The following USP3 variants were observed in gnomAD, a reference collection of about 807,000 sequenced individuals.
USP3 encodes ubiquitin specific peptidase 3, also known as ubiquitin carboxyl-terminal hydrolase 3.
USP3 carries 20 observed loss-of-function variants against 72.3 expected under a neutral mutation model. The observed-to-expected ratio is 0.28, with a 90% CI of 0.19 to 0.40. The LOEUF is 0.40. USP3 is among the 10% of genes least tolerant of loss of function. USP3 has a pLI of 1.00. For missense variants in USP3, 479 were observed against 633.9 expected, an observed-to-expected ratio of 0.76 and a Z score of 2.62; for synonymous variants, 222 against 225.3, an observed-to-expected ratio of 0.99 and a Z score of 0.13.
intron 5 of USP3, chr15:63,556,997 C>G (rs1168820877): frequency 6.4e-6 from 2 of 311,276 alleles, no homozygotes; most frequent in East Asian, 6.2e-5. Flanking sequence ...ACAGTTCACT[C>G]TTAATACTTG....
Position 63,570,483 on chromosome 15 carries a change from A to G in USP3, c.812A>G (p.His271Arg). The G allele has an allele frequency of 6.2e-7, 1 of 1,614,156 alleles. No individual in the cohort carries two copies. The highest frequency in any genetic ancestry group is 8.5e-7 in the Non-Finnish European group (1 of 1,180,030). ...AHEFMRYLLD[H>R]LHLELQGGFN... ...GAATTCATGCGCTACCTTTTGGACCACCTACACTTGGAACTTCAGGGCGGT... is the reference window on the plus strand; with the variant it reads ...GAATTCATGCGCTACCTTTTGGACCGCCTACACTTGGAACTTCAGGGCGGT... The change falls in exon 9 of 15, where the codon CAC becomes CGC. Residue 271 changes from histidine (H) to arginine (R), a missense_variant. His to Arg is a conservative substitution (Grantham distance 29). Transcript: ENST00000380324. This position sits in a 1 kb window ranked among gnomAD's most constrained non-coding sequence, Gnocchi z 4.4.
chr15:63,553,334 G>A lies in USP3; in HGVS notation c.285-381G>A, dbSNP rs1201920160. On this transcript the variant is annotated intron_variant, in intron 3 of 14. Transcript: ENST00000380324. This position sits in a 1 kb window ranked among gnomAD's most constrained non-coding sequence, Gnocchi z 4.2. ...CTTCCCCCAATTCCCCATTAATTTGGGTTGGGAAGTGTCAACTTAAAGCTT... is the reference window on the plus strand; with the variant it reads ...CTTCCCCCAATTCCCCATTAATTTGAGTTGGGAAGTGTCAACTTAAAGCTT... 1 of 154,448 alleles carries A rather than the reference G, an allele frequency of 6.5e-6. No homozygotes were observed. The highest frequency in any genetic ancestry group is 1.4e-5 in the Non-Finnish European group (1 of 69,712). The allele number at this position is 154,448 out of a possible 1,614,324, so 9.6% of individuals were successfully genotyped here. A position where few individuals can be genotyped will look rare whatever the true frequency, so the allele number is the denominator to read the frequency against.
chr15:63,544,413 C>A lies in USP3; in HGVS notation c.284+7257C>A. On this transcript the variant is annotated intron_variant, in intron 3 of 14. Transcript: ENST00000380324. The surrounding 1 kb of genome is among the most constrained non-coding windows in gnomAD (Gnocchi z 4.2). Reference sequence around the variant, plus strand: ...AAGAAAGTAACTTTATTAACCAAAACTAGTGAAAGGGGAAGTAGCTGGATT... The same window carrying A: ...AAGAAAGTAACTTTATTAACCAAAAATAGTGAAAGGGGAAGTAGCTGGATT... 2.7e-6 allele frequency: 1 copy of A among 373,634 alleles called. No individual in the cohort carries two copies. Among genetic ancestry groups the A allele is most frequent in the East Asian group, 4.8e-5 (1 of 20,874 alleles). The allele number at this position is 373,634 out of a possible 1,614,324, so 23.1% of individuals were successfully genotyped here.
intron 11 of USP3, among the ~76,000 whole-genome samples, chr15:63,578,026 G>C (rs1401611725): frequency 6.6e-6 from 1 of 152,080 alleles, no homozygotes; most frequent in Non-Finnish European, 1.5e-5. Context: ...TGTAGTCCCA[G>C]CACTTTGGGA....
At chr15:63,525,535 C>T (rs754841114) in intron 1 of USP3, among the ~76,000 whole-genome samples, 3 of 152,166 alleles carry the variant, frequency 2.0e-5, no homozygotes, top group African/African-American at 4.8e-5. Flanking sequence ...AGCTTGATTC[C>T]TTCTTTTCTG....
intron 1 of USP3, among the ~76,000 whole-genome samples, chr15:63,522,074 C>T (rs933358048): frequency 2.0e-5 from 3 of 152,198 alleles, no homozygotes; most frequent in African/African-American, 7.2e-5. Context: ...CGAGGTCTCA[C>T]TATATTGCCC....
chr15:63,581,574 G>GTTTTTTTTTTTTTTTTT (rs2066964283), intron 11 of USP3, among the ~76,000 whole-genome samples: 1 of 130,320 alleles, frequency 7.7e-6, no homozygotes, highest in Non-Finnish European at 1.6e-5. Context: ...TTTTTTTTTG[G>GTTTTTTTTTTTTTTTTT]ATTTTTGGTA....
intron 2 of USP3, chr15:63,534,060 C>A: frequency 4.9e-6 from 1 of 204,210 alleles, no homozygotes; most frequent in South Asian, 1.6e-4. Context: ...TCTTAAACAA[C>A]AAACTAAAAT....
intron 11 of USP3, among the ~76,000 whole-genome samples, chr15:63,581,099 C>G (rs2066950028): frequency 6.6e-6 from 1 of 152,094 alleles, no homozygotes; most frequent in Admixed American, 6.5e-5. Flanking sequence ...AGCCACCGTG[C>G]CTGGCTGCTA....
intron 3 of USP3, among the ~76,000 whole-genome samples, chr15:63,540,743 G>A (rs997977421): frequency 6.6e-6 from 1 of 152,172 alleles, no homozygotes; most frequent in African/African-American, 2.4e-5. Flanking sequence ...AAGAGAGAAA[G>A]CAGTGCGAAA....
rs978093311 is a variant in USP3, at chr15:63,590,893, G to C, written c.*67G>C. On this transcript the variant is annotated 3_prime_UTR_variant, in exon 15 of 15. Transcript: ENST00000380324. Reference sequence around the variant, plus strand: ...CATTTCCAGTTTTCCACAAATACTTGATACAAGATTTAATTTCATTATGCA... The same window carrying C: ...CATTTCCAGTTTTCCACAAATACTTCATACAAGATTTAATTTCATTATGCA... The C allele has an allele frequency of 1.4e-6, 2 of 1,480,784 alleles. No homozygotes were observed. 91.7% of individuals were successfully genotyped at this position (1,480,784 alleles called of 1,614,324 possible).
At chr15:63,509,734 G>C (rs958110399) in intron 1 of USP3, among the ~76,000 whole-genome samples, 5 of 152,058 alleles carry the variant, frequency 3.3e-5, no homozygotes, top group African/African-American at 1.2e-4. Flanking sequence ...CAGAATCTTA[G>C]AGCAATCTCA....
At chr15:63,514,780 T>TTTGAAATAATAG (rs1345421935) in intron 1 of USP3, among the ~76,000 whole-genome samples, 10 of 152,304 alleles carry the variant, frequency 6.6e-5, no homozygotes, top group African/African-American at 2.4e-4. Flanking sequence ...CAACTATTAT[T>TTTGAAATAATAG]TTGAAATAAT....
intron 1 of USP3, among the ~76,000 whole-genome samples, chr15:63,517,105 T>C (rs2065860267): frequency 6.6e-6 from 1 of 152,060 alleles, no homozygotes; most frequent in Non-Finnish European, 1.5e-5. Flanking sequence ...GTAAGTTATA[T>C]ATGTATACAT....
At chr15:63,551,225 C>T (rs926323155) in intron 3 of USP3, 2 of 151,998 alleles carry the variant, frequency 1.3e-5, no homozygotes, top group African/African-American at 4.8e-5. Context: ...TTTTTTTACC[C>T]AGCAGCTTTT....
intron 3 of USP3, among the ~76,000 whole-genome samples, chr15:63,550,391 G>A (rs1356282234): frequency 6.6e-6 from 1 of 152,192 alleles, no homozygotes; most frequent in Admixed American, 6.5e-5. Context: ...GTTTCCCACA[G>A]CAGAAAAAAT....
At chr15:63,516,792 T>A (rs2152650569) in intron 1 of USP3, among the ~76,000 whole-genome samples, 1 of 151,984 alleles carries the variant, frequency 6.6e-6, no homozygotes, top group East Asian at 1.9e-4. Context: ...TAGTTTTTTT[T>A]TTATTTTATT....
At chr15:63,568,352 TAAA>T (rs545943861) in intron 8 of USP3, among the ~76,000 whole-genome samples, 3 of 131,464 alleles carry the variant, frequency 2.3e-5, no homozygotes, top group Admixed American at 7.7e-5. Flanking sequence ...AGACTCCATC[TAAA>T]AAAAAAAAAA....
intron 8 of USP3, among the ~76,000 whole-genome samples, chr15:63,569,327 C>T (rs1269303004): frequency 6.6e-6 from 1 of 152,174 alleles, no homozygotes; most frequent in African/African-American, 2.4e-5. Flanking sequence ...TATTTAGTTG[C>T]CAGCTAGTTT....
Sources: allele counts gnomAD v4.1 joint callset (sites outside exome capture counted in the v4.1 genomes callset), GRCh38; gene constraint gnomAD v4.1.1; non-coding constraint Gnocchi (gnomAD v3.1); transcripts MANE v1.5; gene names NCBI Gene and HGNC (gene_info 2026-07-23, HGNC 2026-07-21).